ZNF385D: variants seen among roughly 807,000 people sequenced by gnomAD.
ZNF385D encodes the protein zinc finger protein 385D, also known as zinc finger protein 659.
Under a neutral mutation model 35.8 loss-of-function variants are expected in ZNF385D, and 15 were observed. That is an observed-to-expected ratio of 0.42 (90% CI 0.28 to 0.64). The LOEUF is 0.64. Among genes scored for constraint, ZNF385D ranks in the 30% least tolerant of loss-of-function variants. ZNF385D has a pLI of 0.23. For missense variants in ZNF385D, 474 were observed against 494.6 expected (o/e 0.96, Z 0.39); for synonymous variants, 212 against 186.8 (o/e 1.13, Z -1.10).
At chr3:22,281,295 G>T (rs895890704) in intron 2 of ZNF385D, among the ~76,000 whole-genome samples, 10 of 152,028 alleles carry the variant, frequency 6.6e-5, no homozygotes, top group African/African-American at 2.4e-4. Flanking sequence ...GATGAAAGTG[G>T]CCATCCTTGT....
At chr3:21,713,923 G>C (rs1045609870) in intron 1 of ZNF385D, among the ~76,000 whole-genome samples, 1 of 152,116 alleles carries the variant, frequency 6.6e-6, no homozygotes, top group African/African-American at 2.4e-5. Context: ...GGGACCCAAA[G>C]TCTATGGATC....
At chr3:22,005,531 T>C (rs911699288) in intron 3 of ZNF385D, among the ~76,000 whole-genome samples, 9 of 152,124 alleles carry the variant, frequency 5.9e-5, no homozygotes, top group African/African-American at 4.8e-5. Flanking sequence ...TTAGAGGTGA[T>C]AGATATCCTA....
At chr3:22,193,642 G>A (rs902065478) in intron 2 of ZNF385D, among the ~76,000 whole-genome samples, 1 of 151,774 alleles carries the variant, frequency 6.6e-6, no homozygotes, top group Admixed American at 6.6e-5. Flanking sequence ...TAAAGCTTCT[G>A]GATTAGTGTT....
intron 3 of ZNF385D, among the ~76,000 whole-genome samples, chr3:21,905,519 A>C (rs143355104): frequency 1.4e-5 from 2 of 148,072 alleles, no homozygotes; most frequent in African/African-American, 2.7e-5. Context: ...TGACCCAAGA[A>C]GCTAAACTCT....
intron 3 of ZNF385D, among the ~76,000 whole-genome samples, chr3:21,512,370 A>T (rs2125472807): frequency 6.6e-6 from 1 of 152,278 alleles, no homozygotes; most frequent in Non-Finnish European, 1.5e-5. Flanking sequence ...ATTATCCATT[A>T]CTTCCCATTG....
chr3:22,279,804 T>C (rs752135702), intron 2 of ZNF385D, among the ~76,000 whole-genome samples: 4 of 151,898 alleles, frequency 2.6e-5, no homozygotes, highest in Non-Finnish European at 4.4e-5. Flanking sequence ...AGATACACAG[T>C]AGTGGGATTG....
At chr3:21,685,369 AG>A (rs1321893620) in intron 1 of ZNF385D, among the ~76,000 whole-genome samples, 2 of 152,214 alleles carry the variant, frequency 1.3e-5, no homozygotes, top group Non-Finnish European at 2.9e-5. Context: ...AGCTTAACAA[AG>A]AGAAACAAAC....
At chr3:21,520,020 CCT>C (rs1707810733) in intron 3 of ZNF385D, among the ~76,000 whole-genome samples, 1 of 152,216 alleles carries the variant, frequency 6.6e-6, no homozygotes, top group East Asian at 1.9e-4. Flanking sequence ...CAAATGCTCC[CCT>C]CTCTGCTACT....
intron 3 of ZNF385D, among the ~76,000 whole-genome samples, chr3:21,871,657 T>G (rs542419278): frequency 1.6e-3 from 248 of 152,246 alleles, no homozygotes; most frequent in Non-Finnish European, 2.9e-3. Flanking sequence ...TTGATTAAGA[T>G]AGCATCCTGA....
intron 3 of ZNF385D, among the ~76,000 whole-genome samples, chr3:21,550,409 T>TAAG (rs1273976729): frequency 6.6e-6 from 1 of 152,198 alleles, no homozygotes; most frequent in Non-Finnish European, 1.5e-5. Context: ...TAATGGATGT[T>TAAG]AAGACTAAGA....
At chr3:21,704,365 C>G (rs185560804) in intron 1 of ZNF385D, among the ~76,000 whole-genome samples, 1 of 152,048 alleles carries the variant, frequency 6.6e-6, no homozygotes, top group Non-Finnish European at 1.5e-5. Context: ...GTGTAAACCC[C>G]CTCAGAGTCC....
At chr3:22,203,126 A>G (rs557874367) in intron 2 of ZNF385D, among the ~76,000 whole-genome samples, 1 of 152,174 alleles carries the variant, frequency 6.6e-6, no homozygotes, top group African/African-American at 2.4e-5. Flanking sequence ...GCTCCAAAAG[A>G]TAACGTCCCC....
intron 3 of ZNF385D, among the ~76,000 whole-genome samples, chr3:21,785,521 G>T (rs2071654801): frequency 6.6e-6 from 1 of 152,150 alleles, no homozygotes; most frequent in South Asian, 2.1e-4. Flanking sequence ...AACTTGAATA[G>T]CTAAAGCTTT....
At chr3:21,475,737 T>C (rs1236812240) in intron 4 of ZNF385D, among the ~76,000 whole-genome samples, 1 of 152,144 alleles carries the variant, frequency 6.6e-6, no homozygotes, top group Non-Finnish European at 1.5e-5. Flanking sequence ...AAATAACTGA[T>C]GCATACCTAC....
At position 22,197,211 on chromosome 3, in the gene ZNF385D, T is replaced by A. The variant is rs73145050; in HGVS notation, c.107-28176A>T. Among the ~76,000 whole-genome samples the A allele has an allele frequency of 5.1e-3, 776 of 152,174 alleles. 9 individuals carry two copies. Among genetic ancestry groups the A allele is most frequent in the African/African-American group, 0.018 (741 of 41,572 alleles). On this transcript the variant is annotated intron_variant, in intron 2 of 5. Transcript: ENST00000494108. Reference sequence around the variant, plus strand: ...CTGCTTGGTGTTTTTGAATTTGTAATTTGACATATTTTGGCAGTAGGAGAA... The same window carrying A: ...CTGCTTGGTGTTTTTGAATTTGTAAATTGACATATTTTGGCAGTAGGAGAA...
At chr3:22,190,478 T>C (rs1367115886) in intron 2 of ZNF385D, among the ~76,000 whole-genome samples, 1 of 152,176 alleles carries the variant, frequency 6.6e-6, no homozygotes, top group Non-Finnish European at 1.5e-5. Context: ...TTTTTCCAAA[T>C]ATATGTGTCA....
At chr3:21,997,059 C>A (rs1052056569) in intron 3 of ZNF385D, among the ~76,000 whole-genome samples, 9 of 151,458 alleles carry the variant, frequency 5.9e-5, no homozygotes, top group South Asian at 2.1e-4. Flanking sequence ...TAAAAAAAAA[C>A]TGTGATTTTT....
At chr3:21,513,566 G>T (rs372494382) in intron 3 of ZNF385D, among the ~76,000 whole-genome samples, 14 of 152,008 alleles carry the variant, frequency 9.2e-5, no homozygotes, top group African/African-American at 3.4e-4. Flanking sequence ...GGTCCAAGGC[G>T]TTATAGATAA....
Position 22,294,373 on chromosome 3 carries a change from C to A in ZNF385D, c.106+78077G>T, listed in dbSNP as rs574200732. ...TATTTTTCCTCATATTTTTCAATAT[C>A]TCCTCTAATAAGAAAACTGTTCCTA... On this transcript the variant is annotated intron_variant, in intron 2 of 5. Transcript: ENST00000494108. Among the ~76,000 whole-genome samples the A allele has an allele frequency of 7.9e-5, 12 of 152,082 alleles. No individual in the cohort carries two copies. In the South Asian group the frequency reaches 8.3e-4, roughly 11 times the overall value.
Sources: allele counts gnomAD v4.1 joint callset (sites outside exome capture counted in the v4.1 genomes callset), GRCh38; gene constraint gnomAD v4.1.1; transcripts MANE v1.5; gene names NCBI Gene and HGNC (gene_info 2026-07-23, HGNC 2026-07-21).